Variants in STK24 observed in about 807,000 individuals in gnomAD.
The protein encoded by STK24 is serine/threonine-protein kinase 24.
Under a neutral mutation model 55.6 loss-of-function variants are expected in STK24, and 21 were observed. The ratio of observed to expected loss-of-function variants is 0.38; its 90% CI spans 0.27 to 0.54. The LOEUF (loss-of-function observed/expected upper bound fraction) is 0.54. Ranked by LOEUF, STK24 falls within the 20% of genes least tolerant of loss-of-function variation. The pLI is 0.79. For synonymous variants in STK24, 200 were observed against 215.2 expected (o/e 0.93, Z 0.62); for missense variants, 383 against 538.4 (o/e 0.71, Z 2.86).
intron 1 of STK24, among the ~76,000 whole-genome samples, chr13:98,570,318 C>G (rs1290813484): frequency 1.3e-5 from 2 of 152,166 alleles, no homozygotes; most frequent in Admixed American, 1.3e-4. Context: ...CCTTACAAAA[C>G]TACCCATTAG....
intron 5 of STK24, 150 bp from the exon 6 acceptor site, chr13:98,466,711 T>A: frequency 2.2e-6 from 2 of 907,510 alleles, no homozygotes; most frequent in Non-Finnish European, 3.2e-6. Context: ...GCCCTCGCTG[T>A]AATTTCAAAA....
chr13:98,510,324 C>T (rs906382440), intron 2 of STK24, among the ~76,000 whole-genome samples: 23 of 152,320 alleles, frequency 1.5e-4, no homozygotes, highest in Non-Finnish European at 3.2e-4. Flanking sequence ...CATCCAGCTG[C>T]CTTTCAGTTC....
At chr13:98,505,985 T>C (rs764558076) in intron 2 of STK24, among the ~76,000 whole-genome samples, 2 of 152,188 alleles carry the variant, frequency 1.3e-5, no homozygotes, top group African/African-American at 2.4e-5. Context: ...GTATCTCTGT[T>C]TTAAAAGTTT....
At chr13:98,485,800 G>A (rs1008467941) in intron 2 of STK24, among the ~76,000 whole-genome samples, 13 of 151,940 alleles carry the variant, frequency 8.6e-5, no homozygotes, top group Non-Finnish European at 1.8e-4. Flanking sequence ...CATTCCAGCC[G>A]CTGAAGGTCG....
At chr13:98,512,008 C>T (rs1336776765) in intron 2 of STK24, among the ~76,000 whole-genome samples, 1 of 151,750 alleles carries the variant, frequency 6.6e-6, no homozygotes, top group African/African-American at 2.4e-5. Context: ...CCTCGGCCTC[C>T]CAATTAGCTG....
chr13:98,476,242 C>A (rs545238285), intron 3 of STK24, among the ~76,000 whole-genome samples: 10 of 129,076 alleles, frequency 7.7e-5, no homozygotes, highest in East Asian at 2.2e-4. Flanking sequence ...GACGGGAAGC[C>A]CCCCCCCGCC....
At chr13:98,567,986 G>T (rs1458441088) in intron 1 of STK24, among the ~76,000 whole-genome samples, 3 of 149,482 alleles carry the variant, frequency 2.0e-5, no homozygotes, top group Non-Finnish European at 1.5e-5. Context: ...TAAACCGGAG[G>T]TGCAGAAAAC....
intron 2 of STK24, among the ~76,000 whole-genome samples, chr13:98,488,158 A>ACGAC (rs1315603882): frequency 2.9e-5 from 2 of 69,566 alleles, no homozygotes; most frequent in Non-Finnish European, 5.9e-5. Context: ...AAAAGAGATG[A>ACGAC]AGACACACAC....
Position 98,446,243 on chromosome 13 carries a change from TG to T in STK24, c.*6929del. 2.1e-6 allele frequency: 3 copies of T among 1,421,464 alleles called. No individual in the cohort carries two copies. Among genetic ancestry groups the T allele is most frequent in the Non-Finnish European group, 2.0e-6 (2 of 1,008,928 alleles). The allele number at this position is 1,421,464 out of a possible 1,614,324, so 88.1% of individuals were successfully genotyped here. On this transcript the variant is annotated 3_prime_UTR_variant, in exon 11 of 11. Transcript: ENST00000539966. ...CACAGGGCAGGTGGCCCTGGGACCT[TG>T]GGGGTGGCAGCATGAGGTGAGGGGG... is the stretch of plus-strand genomic sequence containing the variant.
chr13:98,500,187 T>G (rs1895398981), intron 2 of STK24, among the ~76,000 whole-genome samples: 1 of 152,322 alleles, frequency 6.6e-6, no homozygotes, highest in Non-Finnish European at 1.5e-5. Context: ...TCATGGTCCT[T>G]TGTCACTTCA....
chr13:98,519,487 G>T lies in STK24; in HGVS notation c.43-14C>A. 6.2e-7 allele frequency: 1 copy of T among 1,608,196 alleles called. No homozygotes were observed. The highest frequency in any genetic ancestry group is 8.5e-7 in the Non-Finnish European group (1 of 1,175,622). ...TGCCTTTAGGTTCTGTAGAGAGAAG[G>T]AAGAGAAAAGGGAAACTTTAGTCCC... is the stretch of plus-strand genomic sequence containing the variant. On this transcript the variant is annotated splice_polypyrimidine_tract_variant and intron_variant, in intron 1 of 10. Coordinates refer to ENST00000539966, the MANE Select transcript of STK24 (RefSeq NM_001032296.4).
chr13:98,448,671 A>T lies in STK24; in HGVS notation c.*4502T>A, dbSNP rs1296017837. 1 of 190,724 alleles carries T rather than the reference A, an allele frequency of 5.2e-6. No individual in the cohort carries two copies. The allele number at this position is 190,724 out of a possible 1,614,324, so 11.8% of individuals were successfully genotyped here. A position where few individuals can be genotyped will look rare whatever the true frequency, so the allele number is the denominator to read the frequency against. On this transcript the variant is annotated 3_prime_UTR_variant, in exon 11 of 11. Transcript: ENST00000539966. ...AGACAGGGCAAGTGTTTTTCTTCCT[A>T]AAAAAAGTTCTTTCTTTTATTATTT...
At chr13:98,457,412 C>T in intron 9 of STK24, 108 bp from the exon 10 acceptor site, 5 of 1,517,538 alleles carry the variant, frequency 3.3e-6, no homozygotes, top group East Asian at 2.3e-5. Flanking sequence ...ACTACCCCAG[C>T]CCCAGGGTGT....
intron 2 of STK24, among the ~76,000 whole-genome samples, chr13:98,508,213 C>T (rs1286589617): frequency 6.6e-6 from 1 of 152,004 alleles, no homozygotes; most frequent in Non-Finnish European, 1.5e-5. Flanking sequence ...TGATGTATTT[C>T]GTATACAGGA....
chr13:98,489,853 T>C (rs148315875), intron 2 of STK24, among the ~76,000 whole-genome samples: 28 of 152,258 alleles, frequency 1.8e-4, no homozygotes, highest in East Asian at 1.2e-3. Flanking sequence ...CTTGTGCTAA[T>C]AGAACAAATG....
At chr13:98,508,625 G>A (rs537547002) in intron 2 of STK24, among the ~76,000 whole-genome samples, 15 of 152,248 alleles carry the variant, frequency 9.9e-5, no homozygotes, top group African/African-American at 3.4e-4. Context: ...GGAACAGGGG[G>A]TATTTTAAAG....
intron 3 of STK24, among the ~76,000 whole-genome samples, chr13:98,478,910 C>T (rs952869962): frequency 2.2e-4 from 33 of 152,136 alleles, no homozygotes; most frequent in African/African-American, 7.7e-4. Context: ...CATTGTTTTC[C>T]TTGTAAGGAA....
At chr13:98,554,137 A>G (rs930902914) in intron 1 of STK24, among the ~76,000 whole-genome samples, 4 of 151,956 alleles carry the variant, frequency 2.6e-5, no homozygotes, top group Admixed American at 2.0e-4. Context: ...GTCCTGGTGC[A>G]GTTTTTTTTC....
chr13:98,514,984 C>CA (rs1896005623), intron 2 of STK24, among the ~76,000 whole-genome samples: 1 of 151,784 alleles, frequency 6.6e-6, no homozygotes, highest in Admixed American at 6.6e-5. Context: ...GCAGCCCAAA[C>CA]AGCGACCAGT....
Sources: gnomAD v4.1 joint callset for allele counts (sites outside exome capture counted in the v4.1 genomes callset) on GRCh38, gnomAD v4.1.1 for gene constraint, MANE v1.5 for transcripts, NCBI Gene and HGNC (gene_info 2026-07-23, HGNC 2026-07-21) for gene names.